DCC: variants seen among roughly 807,000 people sequenced by gnomAD.
DCC encodes the protein netrin receptor DCC.
A neutral mutation model predicts 172.5 loss-of-function variants in DCC; 58 were observed. That is an observed-to-expected ratio of 0.34 (90% CI 0.27 to 0.42). The LOEUF (loss-of-function observed/expected upper bound fraction) is 0.42, where lower values mean the gene tolerates loss of function less well. Ranked by LOEUF, DCC falls within the 10% of genes least tolerant of loss-of-function variation. The pLI, the probability that DCC is intolerant of heterozygous loss-of-function variation, is 1.00. For synonymous variants in DCC, 709 were observed against 644.5 expected (o/e 1.10, Z -1.52); for missense variants, 1,740 against 1,791.0 (o/e 0.97, Z 0.51).
chr18:52,592,285 G>A (rs1171014048), intron 1 of DCC, among the ~76,000 whole-genome samples: 1 of 152,146 alleles, frequency 6.6e-6, no homozygotes, highest in African/African-American at 2.4e-5. Flanking sequence ...ACTTTTTGCA[G>A]AGGAAAGAAA....
chr18:53,464,776 C>G (rs980526765), intron 24 of DCC, among the ~76,000 whole-genome samples: 12 of 151,694 alleles, frequency 7.9e-5, no homozygotes, highest in Middle Eastern at 3.4e-3. Flanking sequence ...AGGTTGGCAG[C>G]TTGAGATGAG....
rs375256125 is a variant in DCC at position 53,114,679 on chromosome 18, AG to A, written c.1262-42676del. The stretch of plus-strand genomic sequence containing the variant: ...GTAGAGTGGTGGGTTATTGACATGC[AG>A]ATCAGCCACGTTGGACTGAATTGCT... On this transcript the variant is annotated intron_variant, in intron 7 of 28. Coordinates refer to ENST00000442544, the MANE Select transcript of DCC (RefSeq NM_005215.4). Among the ~76,000 whole-genome samples the A allele has an allele frequency of 2.8e-4, 42 of 151,702 alleles. No homozygotes were observed. The East Asian group carries it at 7.6e-3, about 28-fold the overall frequency.
At position 52,532,049 on chromosome 18, in the gene DCC, G is replaced by A. The variant is rs182815600; in HGVS notation, c.91+191171G>A. ...GGTAGAGATTTCATGCAATTTTTATGACAGTGACTTAGCTCCCCTCACAGC... is the reference window on the plus strand; with the variant it reads ...GGTAGAGATTTCATGCAATTTTTATAACAGTGACTTAGCTCCCCTCACAGC... On this transcript the variant is annotated intron_variant, in intron 1 of 28. Coordinates refer to ENST00000442544, the MANE Select transcript of DCC (RefSeq NM_005215.4). Among the ~76,000 whole-genome samples the A allele has an allele frequency of 3.1e-3, 474 of 152,166 alleles. 3 individuals carry two copies. The highest frequency in any genetic ancestry group is 8.7e-3 in the South Asian group (42 of 4,824).
At position 52,481,698 on chromosome 18, in the gene DCC, C is replaced by CT. The variant is rs2029967465; in HGVS notation, c.91+140821dup. Reference sequence around the variant, plus strand: ...AAATGCTGAGGTTAATGTTGGAACTCTAACAGTGACGACTTAGGGTCCAGA... The same window carrying CT: ...AAATGCTGAGGTTAATGTTGGAACTCTTAACAGTGACGACTTAGGGTCCAGA... On this transcript the variant is annotated intron_variant, in intron 1 of 28. Transcript: ENST00000442544. 3.3e-5 allele frequency among the ~76,000 whole-genome samples: 5 copies of CT among 152,016 alleles called. No individual in the cohort carries two copies. In the South Asian group the frequency reaches 1.0e-3, roughly 31 times the overall value.
chr18:52,996,772 C>CTTTTT (rs66600556), intron 5 of DCC, among the ~76,000 whole-genome samples: 3 of 117,168 alleles, frequency 2.6e-5, no homozygotes, highest in Non-Finnish European at 1.8e-5. Context: ...TCACCTTTTT[C>CTTTTT]TTTTTTTTTT....
rs2057579773 is a variant in DCC at position 53,335,344 on chromosome 18, T to TATA, written c.2165-4369_2165-4368insATA. Among the ~76,000 whole-genome samples, 42 of 152,336 alleles carry TATA rather than the reference T, an allele frequency of 2.8e-4. No individual in the cohort carries two copies. The South Asian group carries it at 6.8e-3, about 25-fold the overall frequency. ...TGTCTTATTTGTTTATTAGGACTTATGTTTTGTCTTTCCTCTCCCACCACT... is the reference window on the plus strand; with the variant it reads ...TGTCTTATTTGTTTATTAGGACTTATATAGTTTTGTCTTTCCTCTCCCACCACT... On this transcript the variant is annotated intron_variant, in intron 14 of 28. Coordinates refer to ENST00000442544, the MANE Select transcript of DCC (RefSeq NM_005215.4).
intron 14 of DCC, among the ~76,000 whole-genome samples, chr18:53,333,069 C>A (rs1333784663): frequency 0.011 from 1,295 of 119,258 alleles, no homozygotes; most frequent in Admixed American, 0.012. Flanking sequence ...GAACCTGTCT[C>A]AAAAAAAAAA....
intron 26 of DCC, among the ~76,000 whole-genome samples, chr18:53,499,033 T>C (rs1448802104): frequency 6.6e-6 from 1 of 152,210 alleles, no homozygotes; most frequent in East Asian, 1.9e-4. Flanking sequence ...GTTCAAGCAA[T>C]ATAGTCAGTG....
At chr18:53,302,888 T>C (rs2057157419) in intron 12 of DCC, among the ~76,000 whole-genome samples, 1 of 152,182 alleles carries the variant, frequency 6.6e-6, no homozygotes, top group African/African-American at 2.4e-5. Flanking sequence ...AACTTGTGGA[T>C]CCCCTCCCCA....
intron 3 of DCC, among the ~76,000 whole-genome samples, chr18:52,906,593 T>C (rs1259265192): frequency 1.3e-5 from 2 of 151,970 alleles, no homozygotes; most frequent in African/African-American, 4.8e-5. Context: ...TAATATTTAG[T>C]GAGTATTTCT....
chr18:53,372,876 A>T lies in DCC; in HGVS notation c.2360-13167A>T, dbSNP rs75248978. 7.9e-3 allele frequency among the ~76,000 whole-genome samples: 1,200 copies of T among 152,210 alleles called. 34 individuals are homozygous for T. Among genetic ancestry groups the T allele is most frequent in the Admixed American group, 0.057 (867 of 15,256 alleles). On this transcript the variant is annotated intron_variant, in intron 15 of 28. Transcript: ENST00000442544. ...CTCTGTAATACCCACTGAAAGTCAGAGACCATGTGATTTCATTAGAGTCAT... is the reference window on the plus strand; with the variant it reads ...CTCTGTAATACCCACTGAAAGTCAGTGACCATGTGATTTCATTAGAGTCAT...
intron 1 of DCC, among the ~76,000 whole-genome samples, chr18:52,679,917 T>A (rs2035714374): frequency 6.6e-6 from 1 of 152,104 alleles, no homozygotes. Context: ...AAATCATATA[T>A]TTTGTATAAA....
At chr18:53,158,325 A>AT (rs949597077) in intron 8 of DCC, among the ~76,000 whole-genome samples, 3 of 152,078 alleles carry the variant, frequency 2.0e-5, no homozygotes, top group African/African-American at 7.2e-5. Flanking sequence ...AATCCATTGC[A>AT]TTTTTTTCTC....
intron 2 of DCC, among the ~76,000 whole-genome samples, chr18:52,819,291 C>T (rs988443107): frequency 1.3e-5 from 2 of 152,156 alleles, no homozygotes; most frequent in African/African-American, 4.8e-5. Flanking sequence ...CCAGCAATGT[C>T]ATTTTCCGAG....
chr18:52,484,313 T>G (rs1441158941), intron 1 of DCC, among the ~76,000 whole-genome samples: 1 of 152,110 alleles, frequency 6.6e-6, no homozygotes, highest in Non-Finnish European at 1.5e-5. Flanking sequence ...GACATTTGCT[T>G]TTGGTTGGTC....
At chr18:53,027,751 T>C (rs1420039558) in intron 5 of DCC, among the ~76,000 whole-genome samples, 2 of 151,498 alleles carry the variant, frequency 1.3e-5, no homozygotes, top group African/African-American at 2.4e-5. Flanking sequence ...GCCTCCAACT[T>C]CTTTTACAGC....
At chr18:53,482,201 A>G (rs891859547) in intron 25 of DCC, among the ~76,000 whole-genome samples, 1 of 152,204 alleles carries the variant, frequency 6.6e-6, no homozygotes, top group Non-Finnish European at 1.5e-5. Flanking sequence ...AAGTAAATGT[A>G]GACTTCTGTG....
chr18:52,718,453 TTGCCTTATTTCTTTGAAGC>T (rs546053696), intron 1 of DCC, among the ~76,000 whole-genome samples: 134 of 152,336 alleles, frequency 8.8e-4, no homozygotes, highest in African/African-American at 3.0e-3. Flanking sequence ...CCCTTTGAAG[TTGCCTTATTTCTTTGAAGC>T]TGCCTTATTT....
chr18:53,323,483 A>G (rs1299378337), intron 14 of DCC, among the ~76,000 whole-genome samples: 1 of 152,260 alleles, frequency 6.6e-6, no homozygotes, highest in African/African-American at 2.4e-5. Context: ...CTTTGATACA[A>G]TAATAACTAA....
Sources: gnomAD v4.1 joint callset for allele counts (sites outside exome capture counted in the v4.1 genomes callset) on GRCh38, gnomAD v4.1.1 for gene constraint, MANE v1.5 for transcripts, NCBI Gene and HGNC (gene_info 2026-07-23, HGNC 2026-07-21) for gene names.